The following FTCDNL1 variants were observed in gnomAD, a reference collection of about 807,000 sequenced individuals.
FTCDNL1 encodes the protein formiminotransferase N-terminal subdomain-containing protein.
Under a neutral mutation model 5.9 loss-of-function variants are expected in FTCDNL1, and 11 were observed. The observed-to-expected ratio is 1.87, with a 90% CI of 1.18 to 3.10. The LOEUF is 3.10. Ranked by LOEUF, FTCDNL1 falls within the 30% of genes most tolerant of loss-of-function variation. FTCDNL1 has a pLI of 0.00. For missense variants in FTCDNL1, 115 were observed against 65.5 expected (o/e 1.76, Z -2.61); for synonymous variants, 58 against 24.8 (o/e 2.34, Z -3.99).
intron 3 of FTCDNL1, among the ~76,000 whole-genome samples, chr2:199,774,752 A>C: frequency 6.6e-6 from 1 of 152,138 alleles, no homozygotes; most frequent in East Asian, 1.9e-4. Context: ...ATGGCCTAGA[A>C]CTGACCCTCA....
chr2:199,783,974 C>A (rs988635751), intron 3 of FTCDNL1, among the ~76,000 whole-genome samples: 2 of 152,136 alleles, frequency 1.3e-5, no homozygotes, highest in African/African-American at 4.8e-5. Flanking sequence ...ATAAGTGCAT[C>A]ATTCCACATG....
the FTCDNL1 span, among the ~76,000 whole-genome samples, chr2:199,738,818 C>T: frequency 6.6e-6 from 1 of 152,154 alleles, no homozygotes; most frequent in Non-Finnish European, 1.5e-5. Context: ...GGCTAAATTT[C>T]CTCCTCTCTC....
chr2:199,780,633 C>G (rs1331500522), intron 3 of FTCDNL1, among the ~76,000 whole-genome samples: 3 of 152,218 alleles, frequency 2.0e-5, no homozygotes, highest in Non-Finnish European at 4.4e-5. Flanking sequence ...GGTAGCACTT[C>G]CGCTGATCTA....
chr2:199,752,409 G>T, the FTCDNL1 span, among the ~76,000 whole-genome samples: 1 of 152,240 alleles, frequency 6.6e-6, no homozygotes. Flanking sequence ...TCAAACATTA[G>T]TTGGGATGTT....
At chr2:199,802,052 A>G (rs970883460) in intron 3 of FTCDNL1, among the ~76,000 whole-genome samples, 5 of 152,236 alleles carry the variant, frequency 3.3e-5, no homozygotes, top group African/African-American at 1.2e-4. Context: ...AAGCTCATGA[A>G]GCCAATACTA....
At chr2:199,834,382 A>G (rs1230224055) in intron 3 of FTCDNL1, among the ~76,000 whole-genome samples, 1 of 152,138 alleles carries the variant, frequency 6.6e-6, no homozygotes, top group African/African-American at 2.4e-5. Context: ...GTAAACTAAA[A>G]CACCAGCCTC....
the FTCDNL1 span, among the ~76,000 whole-genome samples, chr2:199,668,656 A>T: frequency 6.6e-6 from 1 of 152,172 alleles, no homozygotes; most frequent in Non-Finnish European, 1.5e-5. Flanking sequence ...TTGTCACCCC[A>T]GTCAGTTTCC....
intron 3 of FTCDNL1, among the ~76,000 whole-genome samples, chr2:199,765,497 AACT>A: frequency 6.9e-6 from 1 of 144,028 alleles, no homozygotes; most frequent in South Asian, 2.2e-4. Context: ...CCTAGCCTGA[AACT>A]ACTACCACGT....
the FTCDNL1 span, among the ~76,000 whole-genome samples, chr2:199,698,943 T>C: frequency 6.6e-6 from 1 of 152,124 alleles, no homozygotes; most frequent in Non-Finnish European, 1.5e-5. Context: ...ATATTACCAC[T>C]GACCTCACAG....
chr2:199,808,107 T>G (rs772237643), downstream of FTCDNL1, among the ~76,000 whole-genome samples: 2 of 152,170 alleles, frequency 1.3e-5, no homozygotes, highest in African/African-American at 4.8e-5. Context: ...CCATGTGACA[T>G]AACTGCTCCC....
the FTCDNL1 span, among the ~76,000 whole-genome samples, chr2:199,722,823 T>A: frequency 1.3e-5 from 2 of 152,206 alleles, no homozygotes; most frequent in African/African-American, 4.8e-5. Flanking sequence ...TAGTTCTCCT[T>A]GAAGAGGTCC....
At chr2:199,788,494 A>T (rs1255487706) in intron 3 of FTCDNL1, among the ~76,000 whole-genome samples, 1 of 152,222 alleles carries the variant, frequency 6.6e-6, no homozygotes, top group Non-Finnish European at 1.5e-5. Context: ...CGAGAATAAA[A>T]TAGAAAGAGA....
chr2:199,725,712 C>T, the FTCDNL1 span, among the ~76,000 whole-genome samples: 1 of 152,146 alleles, frequency 6.6e-6, no homozygotes, highest in Admixed American at 6.5e-5. Context: ...GAATATTGTC[C>T]TCCAATCTCT....
At chr2:199,723,969 C>A in the FTCDNL1 span, among the ~76,000 whole-genome samples, 1 of 152,108 alleles carries the variant, frequency 6.6e-6, no homozygotes, top group Non-Finnish European at 1.5e-5. Context: ...GTACCAGCTC[C>A]TCTTTGCACC....
intron 4 of FTCDNL1, among the ~76,000 whole-genome samples, chr2:199,815,624 T>C (rs1263237903): frequency 6.6e-6 from 1 of 152,158 alleles, no homozygotes; most frequent in Non-Finnish European, 1.5e-5. Flanking sequence ...ACCAAATTCA[T>C]TGAAAAATTA....
intron 3 of FTCDNL1, among the ~76,000 whole-genome samples, chr2:199,843,406 T>C (rs2076643100): frequency 6.6e-6 from 1 of 152,214 alleles, no homozygotes; most frequent in African/African-American, 2.4e-5. Context: ...TCTGAACTCT[T>C]CATTTTTGTG....
At chr2:199,745,032 A>G in the FTCDNL1 span, among the ~76,000 whole-genome samples, 1 of 152,218 alleles carries the variant, frequency 6.6e-6, no homozygotes, top group Non-Finnish European at 1.5e-5. Flanking sequence ...ACCAGGCCCT[A>G]CAGCTCTGTA....
the FTCDNL1 span, among the ~76,000 whole-genome samples, chr2:199,707,236 TTA>T: frequency 6.6e-6 from 1 of 152,204 alleles, no homozygotes; most frequent in Non-Finnish European, 1.5e-5. Context: ...CTGAAAGAAT[TTA>T]TATGTTATTA....
chr2:199,745,269 A>C, the FTCDNL1 span, among the ~76,000 whole-genome samples: 12 of 152,328 alleles, frequency 7.9e-5, no homozygotes, highest in African/African-American at 2.9e-4. Context: ...ACAAGCAAAA[A>C]TCCCTATCTT....
Sources: gnomAD v4.1 joint callset for allele counts (sites outside exome capture counted in the v4.1 genomes callset) on GRCh38, gnomAD v4.1.1 for gene constraint, MANE v1.5 for transcripts, NCBI Gene and HGNC (gene_info 2026-07-23, HGNC 2026-07-21) for gene names.